The following PARG variants were observed in gnomAD, a reference collection of about 807,000 sequenced individuals.
PARG encodes the protein poly(ADP-ribose) glycohydrolase.
In PARG, 35 loss-of-function variants were observed where a neutral mutation model predicts 113.0. That is an observed-to-expected ratio of 0.31 (90% CI 0.24 to 0.41). PARG has a LOEUF of 0.41. Ranked by LOEUF, PARG falls within the 10% of genes least tolerant of loss-of-function variation. PARG has a pLI of 1.00. For missense variants in PARG, 797 were observed against 1,169.4 expected (o/e 0.68, Z 4.64); for synonymous variants, 330 against 409.9 (o/e 0.81, Z 2.36).
intron 7 of PARG, among the ~76,000 whole-genome samples, chr10:49,893,862 GTT>G (rs199778059): frequency 1.3e-5 from 2 of 149,824 alleles, no homozygotes; most frequent in African/African-American, 4.9e-5. Flanking sequence ...CCCAGCTAAT[GTT>G]TTTTTTTGTA....
chr10:49,941,838 T>C lies in PARG; in HGVS notation c.-113A>G. ...CTCAGCGCCTGCCTGCACCATTCCC[T>C]CTCTGCCGCTGCCTGCTTCTGCAAT... On this transcript the variant is annotated 5_prime_UTR_variant, in exon 1 of 18. Coordinates refer to ENST00000616448, the MANE Select transcript of PARG (RefSeq NM_003631.5). 1 of 1,525,982 alleles carries C rather than the reference T, an allele frequency of 6.6e-7. No individual in the cohort carries two copies. Among genetic ancestry groups the C allele is most frequent in the East Asian group, 2.4e-5 (1 of 40,832 alleles). The allele number at this position is 1,525,982 out of a possible 1,614,324, so 94.5% of individuals were successfully genotyped here.
intron 16 of PARG, among the ~76,000 whole-genome samples, chr10:49,831,544 G>A (rs1844662691): frequency 6.6e-6 from 1 of 152,176 alleles, no homozygotes; most frequent in Middle Eastern, 3.2e-3. Context: ...ACATCCGGGA[G>A]TCAGGGGAGG....
intron 7 of PARG, among the ~76,000 whole-genome samples, chr10:49,888,593 A>C (rs1847612236): frequency 1.3e-5 from 2 of 152,202 alleles, no homozygotes; most frequent in South Asian, 4.1e-4. Flanking sequence ...GTTGTCATTC[A>C]AACTGTTTTC....
At chr10:49,865,495 A>T in intron 10 of PARG, 114 bp from the exon 11 acceptor site, 1 of 472,654 alleles carries the variant, frequency 2.1e-6, no homozygotes, top group East Asian at 3.6e-5. Context: ...TCGGTAAAAG[A>T]ATAGGTCTAA....
chr10:49,931,796 G>C (rs1554909830), intron 4 of PARG, among the ~76,000 whole-genome samples: 32 of 149,842 alleles, frequency 2.1e-4, no homozygotes, highest in East Asian at 2.0e-3. Flanking sequence ...TCTGCAGTCA[G>C]TACACAATAC....
intron 7 of PARG, among the ~76,000 whole-genome samples, chr10:49,891,295 C>T (rs1265753031): frequency 6.6e-6 from 1 of 151,826 alleles, no homozygotes; most frequent in Non-Finnish European, 1.5e-5. Flanking sequence ...GCCTGGGCGA[C>T]AGAGTGAGAC....
At chr10:49,822,210 G>A (rs782333069) in intron 16 of PARG, among the ~76,000 whole-genome samples, 9 of 152,024 alleles carry the variant, frequency 5.9e-5, no homozygotes, top group Non-Finnish European at 8.8e-5. Context: ...TCATGATGTC[G>A]AAAATATGTG....
chr10:49,932,875 G>A (rs1838559595), intron 3 of PARG, among the ~76,000 whole-genome samples: 1 of 151,232 alleles, frequency 6.6e-6, no homozygotes, highest in African/African-American at 2.4e-5. Flanking sequence ...AAGAATGTCT[G>A]GCTGAAGAAA....
intron 13 of PARG, among the ~76,000 whole-genome samples, chr10:49,844,622 C>CAA (rs34659290): frequency 1.8e-5 from 2 of 111,186 alleles, no homozygotes; most frequent in Non-Finnish European, 3.7e-5. Flanking sequence ...GACTCCATCT[C>CAA]AAAAAAAAAA....
chr10:49,899,389 A>G (rs1482548266), intron 7 of PARG, among the ~76,000 whole-genome samples: 1 of 152,212 alleles, frequency 6.6e-6, no homozygotes, highest in African/African-American at 2.4e-5. Context: ...TGACACTTTG[A>G]AGAGCAGAAT....
intron 7 of PARG, among the ~76,000 whole-genome samples, chr10:49,889,725 T>C (rs782103592): frequency 6.6e-6 from 1 of 152,224 alleles, no homozygotes; most frequent in South Asian, 2.1e-4. Flanking sequence ...TGGGTATCCA[T>C]CTTTGTCTTT....
At chr10:49,838,702 A>T (rs939904764) in intron 15 of PARG, among the ~76,000 whole-genome samples, 1 of 152,130 alleles carries the variant, frequency 6.6e-6, no homozygotes, top group Non-Finnish European at 1.5e-5. Flanking sequence ...TACTTTTACT[A>T]TTGTTATCTG....
intron 1 of PARG, among the ~76,000 whole-genome samples, chr10:49,937,462 T>A (rs1194313152): frequency 6.8e-6 from 1 of 146,912 alleles, no homozygotes; most frequent in Non-Finnish European, 1.5e-5. Flanking sequence ...GGCGACAGTG[T>A]GAGACTCTGT....
At chr10:49,852,062 T>TTAGC (rs1430906181) in intron 13 of PARG, among the ~76,000 whole-genome samples, 7 of 152,182 alleles carry the variant, frequency 4.6e-5, no homozygotes, top group Admixed American at 1.3e-4. Flanking sequence ...GTCACAGCCA[T>TTAGC]TAGCTCACTG....
At chr10:49,868,526 G>A (rs1554837315) in intron 10 of PARG, among the ~76,000 whole-genome samples, 1 of 152,122 alleles carries the variant, frequency 6.6e-6, no homozygotes, top group South Asian at 2.1e-4. Context: ...ATTCAAGGGG[G>A]AAGATGCCAA....
At chr10:49,828,328 GCTAAAA>G (rs1554829772) in intron 16 of PARG, among the ~76,000 whole-genome samples, 2 of 152,180 alleles carry the variant, frequency 1.3e-5, no homozygotes, top group Non-Finnish European at 2.9e-5. Flanking sequence ...GAATAAATCA[GCTAAAA>G]CTTCAATGAA....
chr10:49,937,242 C>T (rs1201374019), intron 1 of PARG, among the ~76,000 whole-genome samples: 6 of 152,128 alleles, frequency 3.9e-5, no homozygotes, highest in South Asian at 2.1e-4. Flanking sequence ...TTTGGGAGGA[C>T]GAGGCAGGCG....
chr10:49,842,102 T>G, intron 14 of PARG, 44 bp from the exon 15 acceptor site: 76 of 1,340,724 alleles, frequency 5.7e-5, no homozygotes, highest in Non-Finnish European at 7.5e-5. Flanking sequence ...GAACAGGTAG[T>G]CGCTCAAATA....
chr10:49,927,353 A>AAG (rs1564664733), intron 4 of PARG, among the ~76,000 whole-genome samples: 1 of 127,176 alleles, frequency 7.9e-6, no homozygotes, highest in Non-Finnish European at 1.6e-5. Context: ...AAGGAAGGAA[A>AAG]GAAAGAAGGA....
Sources: gnomAD v4.1 joint callset for allele counts (sites outside exome capture counted in the v4.1 genomes callset) on GRCh38, gnomAD v4.1.1 for gene constraint, MANE v1.5 for transcripts, NCBI Gene and HGNC (gene_info 2026-07-23, HGNC 2026-07-21) for gene names.